The following TMEM260 variants were observed in gnomAD, a reference collection of about 807,000 sequenced individuals.
The protein encoded by TMEM260 is protein O-mannosyl-transferase TMEM260.
Under a neutral mutation model 88.9 loss-of-function variants are expected in TMEM260, and 82 were observed. That is an observed-to-expected ratio of 0.92 (90% CI 0.77 to 1.11). TMEM260 has a LOEUF of 1.11. Among genes scored for constraint, TMEM260 ranks in the 50% least tolerant of loss-of-function variants. TMEM260 has a pLI of 0.00. For missense variants in TMEM260, 902 were observed against 853.4 expected (o/e 1.06, Z -0.71); for synonymous variants, 314 against 309.3 (o/e 1.02, Z -0.16).
At chr14:56,635,475 A>AT (rs1888974538) in intron 14 of TMEM260, among the ~76,000 whole-genome samples, 1 of 152,232 alleles carries the variant, frequency 6.6e-6, no homozygotes. Flanking sequence ...GACATGTTAA[A>AT]GGAGATTGAA....
At chr14:56,639,725 C>A (rs1252866133) in intron 15 of TMEM260, among the ~76,000 whole-genome samples, 2 of 152,204 alleles carry the variant, frequency 1.3e-5, no homozygotes, top group African/African-American at 2.4e-5. Context: ...AGGGAATTCC[C>A]TTTCCTAGTC....
intron 7 of TMEM260, 42 bp downstream of exon 7, chr14:56,612,327 T>C (rs1887335319): frequency 6.6e-6 from 10 of 1,514,746 alleles, no homozygotes; most frequent in Non-Finnish European, 8.3e-6. Context: ...ATGAATTCTC[T>C]ATTAGTTCCT....
chr14:56,638,826 A>G (rs556936865), intron 15 of TMEM260, among the ~76,000 whole-genome samples: 1 of 152,358 alleles, frequency 6.6e-6, no homozygotes, highest in African/African-American at 2.4e-5. Context: ...CTATAGGAAT[A>G]AATTGGATAA....
At chr14:56,615,377 A>G (rs2139583627) in intron 7 of TMEM260, 1 of 152,316 alleles carries the variant, frequency 6.6e-6, no homozygotes, top group East Asian at 1.9e-4. Context: ...TTTGTAGGAA[A>G]AAAACATAAT....
At chr14:56,596,934 T>G (rs1274298755) in intron 3 of TMEM260, among the ~76,000 whole-genome samples, 1 of 152,026 alleles carries the variant, frequency 6.6e-6, no homozygotes, top group Non-Finnish European at 1.5e-5. Context: ...CATAGTGTTT[T>G]GATTAGGTTA....
At chr14:56,649,994 T>G (rs763930098), downstream of TMEM260, 1 of 404,484 alleles carries the variant, frequency 2.5e-6, no homozygotes, top group Non-Finnish European at 4.9e-6. Context: ...ATGAACTACT[T>G]TGGAGAATCC....
chr14:56,605,741 A>AT (rs1886862027), intron 5 of TMEM260, 58 bp downstream of exon 5: 1 of 1,048,950 alleles, frequency 9.5e-7, no homozygotes, highest in Non-Finnish European at 1.4e-6. Flanking sequence ...CTAATATAAC[A>AT]TTTTTGTCAT....
At chr14:56,595,472 A>ATATTT (rs1294654794) in intron 3 of TMEM260, among the ~76,000 whole-genome samples, 2 of 152,058 alleles carry the variant, frequency 1.3e-5, no homozygotes, top group Admixed American at 1.3e-4. Context: ...CTGTGAACCT[A>ATATTT]TATTTTATTT....
chr14:56,658,495 C>G, the TMEM260 span, among the ~76,000 whole-genome samples: 1 of 151,998 alleles, frequency 6.6e-6, no homozygotes, highest in Non-Finnish European at 1.5e-5. Context: ...CTCAGCCTCC[C>G]AAAGTGCTGG....
chr14:56,614,160 C>T (rs1469731200), intron 7 of TMEM260, among the ~76,000 whole-genome samples: 2 of 149,696 alleles, frequency 1.3e-5, no homozygotes, highest in African/African-American at 4.9e-5. Flanking sequence ...CCACCTGCCT[C>T]GGCCTCCCAA....
intron 12 of TMEM260, among the ~76,000 whole-genome samples, chr14:56,627,052 C>G (rs1317412798): frequency 6.6e-6 from 1 of 151,830 alleles, no homozygotes; most frequent in Non-Finnish European, 1.5e-5. Context: ...GGCTAATATT[C>G]TCATAAGACG....
chr14:56,663,086 G>A, the TMEM260 span, among the ~76,000 whole-genome samples: 10 of 152,212 alleles, frequency 6.6e-5, no homozygotes, highest in Non-Finnish European at 1.0e-4. This position sits in a 1 kb window ranked among gnomAD's most constrained non-coding sequence, Gnocchi z 4.1. Context: ...CCAAGATCGC[G>A]CTGTTGCCCA....
At chr14:56,584,650 C>T (rs778071092) in intron 1 of TMEM260, among the ~76,000 whole-genome samples, 5 of 152,012 alleles carry the variant, frequency 3.3e-5, no homozygotes, top group African/African-American at 7.2e-5. Flanking sequence ...TATAGACTTT[C>T]GTGCTAATTT....
At chr14:56,641,069 G>C (rs34960944) in intron 15 of TMEM260, among the ~76,000 whole-genome samples, 49,279 of 151,142 alleles carry the variant, frequency 0.33, 9,879 homozygotes, top group East Asian at 0.51. Flanking sequence ...AGGAAGAATG[G>C]AACCAAGTTG....
intron 3 of TMEM260, among the ~76,000 whole-genome samples, chr14:56,592,385 T>C (rs552183160): frequency 1.3e-5 from 2 of 152,304 alleles, no homozygotes; most frequent in East Asian, 3.9e-4. Context: ...GCTCTTTCAG[T>C]GGCCTCATTA....
chr14:56,588,915 A>G lies in TMEM260; in HGVS notation c.344+3003A>G, dbSNP rs534075414. ...TTAAAGTAAATGATTTTTAGATTTA[A>G]TAGCATAATATTTAAAATGCCCTAT... is the stretch of plus-strand genomic sequence containing the variant. On this transcript the variant is annotated intron_variant, in intron 3 of 15. Coordinates refer to ENST00000261556, the MANE Select transcript of TMEM260 (RefSeq NM_017799.4). Among the ~76,000 whole-genome samples, 10 of 152,146 alleles carry G rather than the reference A, an allele frequency of 6.6e-5. No individual in the cohort carries two copies. In the South Asian group the frequency reaches 2.1e-3, roughly 32 times the overall value.
At chr14:56,607,193 TG>T (rs1886965388) in intron 5 of TMEM260, among the ~76,000 whole-genome samples, 1 of 152,092 alleles carries the variant, frequency 6.6e-6, no homozygotes, top group African/African-American at 2.4e-5. Context: ...TGTGAATCAG[TG>T]GGGGTGGATG....
intron 1 of TMEM260, among the ~76,000 whole-genome samples, chr14:56,582,248 C>T (rs1300457081): frequency 1.3e-5 from 2 of 152,172 alleles, no homozygotes; most frequent in African/African-American, 2.4e-5. Context: ...ATAAGTCTTA[C>T]ATTTTACTCC....
At chr14:56,622,069 C>T (rs1369257685) in intron 11 of TMEM260, among the ~76,000 whole-genome samples, 1 of 152,056 alleles carries the variant, frequency 6.6e-6, no homozygotes, top group South Asian at 2.1e-4. Flanking sequence ...TCAGGCCGGG[C>T]GCAGTGGCTC....
Sources: allele counts gnomAD v4.1 joint callset (sites outside exome capture counted in the v4.1 genomes callset), GRCh38; gene constraint gnomAD v4.1.1; non-coding constraint Gnocchi (gnomAD v3.1); transcripts MANE v1.5; gene names NCBI Gene and HGNC (gene_info 2026-07-23, HGNC 2026-07-21).